The following SYNM variants were observed in gnomAD, a reference collection of about 807,000 sequenced individuals.
SYNM encodes desmuslin.
In SYNM, 95 loss-of-function variants were observed where a neutral mutation model predicts 104.0. That is an observed-to-expected ratio of 0.91 (90% CI 0.77 to 1.08). The LOEUF (loss-of-function observed/expected upper bound fraction) is 1.08. Ranked by LOEUF, SYNM falls within the 50% of genes least tolerant of loss-of-function variation. SYNM has a pLI of 0.00. For missense variants in SYNM, 2,150 were observed against 2,052.2 expected (o/e 1.05, Z -0.92); for synonymous variants, 918 against 869.0 (o/e 1.06, Z -0.99).
At chr15:99,139,258 C>T (rs2067927447), downstream of SYNM, 2 of 1,589,368 alleles carry the variant, frequency 1.3e-6, no homozygotes. Flanking sequence ...CCAGCTTTCT[C>T]TTGAGATTCT....
chr15:99,131,287 A>T lies in SYNM; in HGVS notation c.2927A>T (p.Gln976Leu), dbSNP rs5030695. 14 of 1,490,504 alleles carry T rather than the reference A, an allele frequency of 9.4e-6. No homozygotes were observed. The highest frequency in any genetic ancestry group is 2.8e-5 in the African/African-American group (2 of 71,156). The allele number at this position is 1,490,504 out of a possible 1,614,324, so 92.3% of individuals were successfully genotyped here. Residue 976 changes from glutamine to leucine, a missense_variant, in exon 4 of 4, where the codon CAG becomes CTG. By Grantham distance (113) the Gln-to-Leu change is moderately radical. Transcript: ENST00000336292. The surrounding 1 kb of genome is among the most constrained non-coding windows in gnomAD (Gnocchi z 4.3). ...EELSALTREG[Q>L]GGPGSVSVDV... Reference sequence around the variant, plus strand: ...CTGTCCGCCCTCACCAGAGAGGGGCAGGGTGGGCCGGGGAGCGTTTCCGTG... The same window carrying T: ...CTGTCCGCCCTCACCAGAGAGGGGCTGGGTGGGCCGGGGAGCGTTTCCGTG...
chr15:99,106,633 G>A (rs543783348), intron 1 of SYNM, among the ~76,000 whole-genome samples: 3 of 152,326 alleles, frequency 2.0e-5, no homozygotes, highest in South Asian at 2.1e-4. Flanking sequence ...AGATCTCTGC[G>A]TAGTGTAAAA....
At position 99,130,926 on chromosome 15, in the gene SYNM, G is replaced by T. The variant is rs782755580; in HGVS notation, c.2566G>T (p.Glu856Ter). The T allele has an allele frequency of 4.3e-6, 7 of 1,613,738 alleles. No homozygotes were observed. Among genetic ancestry groups the T allele is most frequent in the Middle Eastern group, 1.6e-4 (1 of 6,084 alleles). Residue 856 changes from glutamate (E) to a stop codon, truncating the protein, a stop_gained, in exon 4 of 4, where the codon GAG (glutamate) becomes TAG (stop). Transcript: ENST00000336292. LOFTEE classifies it high-confidence loss of function. ...DGSVYGQIHI[E>*]EESTIRYSWQ... ...CTCGGTGTACGGGCAGATCCACATC[G>T]AGGAGGAATCCACCATCAGGTACTC...
At position 99,132,943 on chromosome 15, in the gene SYNM, A is replaced by G; in HGVS notation, c.4583A>G (p.Lys1528Arg). The part of the protein sequence containing the change: ...EQGKEQAMFD[K>R]KVQLQRMVDQ... ...GGCAAGGAGCAGGCCATGTTTGATA[A>G]GAAGGTGCAGCTCCAGAGAATGGTA... The change falls in exon 4 of 4, where the codon AAG becomes AGG. Residue 1528 changes from lysine to arginine, a missense_variant. Lys to Arg is a conservative substitution (Grantham distance 26). Coordinates refer to ENST00000336292, the MANE Select transcript of SYNM (RefSeq NM_145728.3). The G allele has an allele frequency of 7.4e-6, 12 of 1,613,874 alleles. No individual in the cohort carries two copies. The highest frequency in any genetic ancestry group is 1.0e-5 in the Non-Finnish European group (12 of 1,179,872).
At chr15:99,138,221 C>T (rs2067763010), downstream of SYNM, 3 of 1,504,258 alleles carry the variant, frequency 2.0e-6, no homozygotes, top group Admixed American at 3.9e-5. Flanking sequence ...TGCCCAGACC[C>T]ATTTATGAGA....
downstream of SYNM, chr15:99,139,343 G>A (rs1268961722): frequency 4.3e-6 from 7 of 1,613,652 alleles, no homozygotes; most frequent in African/African-American, 8.0e-5. Flanking sequence ...TGGCCTGCTG[G>A]GTGGCCAGAG....
At chr15:99,121,282 A>C (rs2067398344) in intron 2 of SYNM, among the ~76,000 whole-genome samples, 1 of 151,778 alleles carries the variant, frequency 6.6e-6, no homozygotes. Context: ...TGGAGGGGGT[A>C]GGCAGTGCTG....
intron 2 of SYNM, among the ~76,000 whole-genome samples, chr15:99,124,559 G>T (rs1339316789): frequency 6.6e-6 from 1 of 152,212 alleles, no homozygotes; most frequent in Non-Finnish European, 1.5e-5. Context: ...AAATCACCAA[G>T]AGAATTTATT....
Position 99,130,430 on chromosome 15 carries a change from T to C in SYNM, c.2070T>C (p.Ser690=). The part of the protein sequence containing the change: ...RKTKTEIVVE[S]KLTEDVDVSD... ...CAAAGACTGAAATAGTTGTGGAGTC[T>C]AAACTGACTGAGGATGTTGATGTTT... The change falls in exon 4 of 4, where the codon TCT becomes TCC. Residue 690 remains serine (S), a synonymous_variant. Coordinates refer to ENST00000336292, the MANE Select transcript of SYNM (RefSeq NM_145728.3). 1 of 1,613,856 alleles carries C rather than the reference T, an allele frequency of 6.2e-7. No homozygotes were observed. The highest frequency in any genetic ancestry group is 8.5e-7 in the Non-Finnish European group (1 of 1,179,886).
At chr15:99,108,177 G>T (rs2067267599) in intron 1 of SYNM, among the ~76,000 whole-genome samples, 1 of 152,058 alleles carries the variant, frequency 6.6e-6, no homozygotes, top group South Asian at 2.1e-4. Context: ...GTTTCACCAT[G>T]TTGGCCAGCC....
At chr15:99,117,079 C>T (rs1348363566) in intron 2 of SYNM, among the ~76,000 whole-genome samples, 1 of 136,284 alleles carries the variant, frequency 7.3e-6, no homozygotes, top group African/African-American at 2.6e-5. Flanking sequence ...CGATCCCCCC[C>T]ATAACCCAAA....
In SYNM at chr15:99,105,695, TTCCGCGCCCGCGCCACCGGCCCC is replaced by T; in HGVS notation, c.497_519del (p.Phe166CysfsTer101). 6.7e-7 allele frequency: 1 copy of T among 1,482,532 alleles called. No homozygotes were observed. Among genetic ancestry groups the T allele is most frequent in the Non-Finnish European group, 8.9e-7 (1 of 1,122,454 alleles). 91.8% of individuals were successfully genotyped at this position (1,482,532 alleles called of 1,614,324 possible). ...GCGCGCCGCCAGCCTTACCATGCAT[TTCCGCGCCCGCGCCACCGGCCCC>T]GCCGCGCCGCCGCCACGCCTGCGGG... is the stretch of plus-strand genomic sequence containing the variant. On this transcript the variant is annotated frameshift_variant, in exon 1 of 4. Coordinates refer to ENST00000336292, the MANE Select transcript of SYNM (RefSeq NM_145728.3). LOFTEE classifies it high-confidence loss of function.
At chr15:99,123,802 G>A (rs1336884619) in intron 2 of SYNM, among the ~76,000 whole-genome samples, 1 of 152,264 alleles carries the variant, frequency 6.6e-6, no homozygotes, top group Non-Finnish European at 1.5e-5. Flanking sequence ...TCATTTATGG[G>A]GCTGCACAGA....
chr15:99,114,145 T>C (rs1342377574), intron 2 of SYNM, among the ~76,000 whole-genome samples: 2 of 152,180 alleles, frequency 1.3e-5, no homozygotes, highest in African/African-American at 4.8e-5. Context: ...TGAGCCTGGG[T>C]AATTTACAAA....
chr15:99,129,140 G>A (rs988143921), intron 3 of SYNM: 3 of 572,098 alleles, frequency 5.2e-6, no homozygotes, highest in East Asian at 3.1e-5. Context: ...CTGGAGAAAC[G>A]TGTTAGGCTG....
chr15:99,125,450 T>C (rs920372166), intron 2 of SYNM, among the ~76,000 whole-genome samples: 1 of 152,244 alleles, frequency 6.6e-6, no homozygotes, highest in Non-Finnish European at 1.5e-5. Context: ...CTCGGGCCTC[T>C]GCACATGCCC....
At chr15:99,120,579 G>A (rs1398793855) in intron 2 of SYNM, among the ~76,000 whole-genome samples, 1 of 152,192 alleles carries the variant, frequency 6.6e-6, no homozygotes, top group African/African-American at 2.4e-5. Context: ...TGCAGGATAC[G>A]ATGCTGGGTG....
intron 2 of SYNM, among the ~76,000 whole-genome samples, chr15:99,125,421 G>A (rs961755327): frequency 5.9e-5 from 9 of 152,248 alleles, no homozygotes; most frequent in African/African-American, 9.6e-5. Flanking sequence ...TGCCCTGAGC[G>A]AAGGGCTGGG....
At chr15:99,121,506 A>G (rs2067400428) in intron 2 of SYNM, among the ~76,000 whole-genome samples, 1 of 152,202 alleles carries the variant, frequency 6.6e-6, no homozygotes, top group African/African-American at 2.4e-5. Flanking sequence ...GCTGCAGGCT[A>G]GCACAGAGTC....
Sources: gnomAD v4.1 joint callset for allele counts (sites outside exome capture counted in the v4.1 genomes callset) on GRCh38, gnomAD v4.1.1 for gene constraint, Gnocchi (gnomAD v3.1) non-coding constraint, MANE v1.5 for transcripts, NCBI Gene and HGNC (gene_info 2026-07-23, HGNC 2026-07-21) for gene names.